The following PRKAR1A variants were observed in gnomAD, a reference collection of about 807,000 sequenced individuals.
PRKAR1A encodes the protein cAMP-dependent protein kinase type I-alpha regulatory subunit.
A neutral mutation model predicts 52.0 loss-of-function variants in PRKAR1A; 3 were observed. The ratio of observed to expected loss-of-function variants is 0.06; its 90% confidence interval spans 0.03 to 0.15. PRKAR1A has a LOEUF of 0.15. PRKAR1A is among the 10% of genes least tolerant of loss of function. The pLI is 1.00. For missense variants in PRKAR1A, 240 were observed against 477.4 expected (o/e 0.50, Z 4.63); for synonymous variants, 188 against 168.4 (o/e 1.12, Z -0.90).
chr17:68,432,821 A>G, the PRKAR1A span, among the ~76,000 whole-genome samples: 1 of 152,206 alleles, frequency 6.6e-6, no homozygotes, highest in Admixed American at 6.5e-5. Flanking sequence ...ACCGTGGGGT[A>G]TGAAACACTG....
intron 10 of PRKAR1A, 59 bp downstream of exon 10, chr17:68,530,060 A>G: frequency 1.9e-6 from 3 of 1,564,080 alleles, no homozygotes; most frequent in Non-Finnish European, 2.6e-6. Flanking sequence ...TCTCAGTGAG[A>G]TATTGTAGTC....
chr17:68,452,205 A>C, the PRKAR1A span, among the ~76,000 whole-genome samples: 1 of 152,234 alleles, frequency 6.6e-6, no homozygotes, highest in Non-Finnish European at 1.5e-5. Flanking sequence ...TGCCTTCTTC[A>C]AACAAATACT....
intron 11 of PRKAR1A, chr17:68,540,903 T>G (rs1341004526): frequency 1.2e-6 from 2 of 1,605,020 alleles, no homozygotes; most frequent in African/African-American, 1.3e-5. Context: ...CGCTGGCTGT[T>G]GTTGTACGGG....
the PRKAR1A span, chr17:68,427,396 G>A: frequency 3.2e-6 from 2 of 615,466 alleles, no homozygotes; most frequent in Non-Finnish European, 2.8e-6. Context: ...TTGCTCTATT[G>A]CCCAGGCTGG....
rs78183210 is a variant in PRKAR1A, at chr17:68,523,831, T to G, written c.440+15T>G. ...AATGAGAGAAGGTAGGAACAGGCTC[T>G]TTCTTAACACTATTTTTCAAGTAAG... On this transcript the variant is annotated intron_variant, in intron 4 of 10. Coordinates refer to ENST00000589228, the MANE Select transcript of PRKAR1A (RefSeq NM_002734.5). The G allele has an allele frequency of 8.1e-6, 13 of 1,610,328 alleles. No individual in the cohort carries two copies. The highest frequency in any genetic ancestry group is 2.2e-5 in the South Asian group (2 of 90,978).
At chr17:68,506,913 T>C (rs2085206540), upstream of PRKAR1A, among the ~76,000 whole-genome samples, 2 of 152,182 alleles carry the variant, frequency 1.3e-5, no homozygotes, top group African/African-American at 4.8e-5. Flanking sequence ...TTGGAGTCCA[T>C]ACATGGATGG....
chr17:68,451,903 C>T, the PRKAR1A span, among the ~76,000 whole-genome samples: 4 of 152,224 alleles, frequency 2.6e-5, no homozygotes, highest in Non-Finnish European at 5.9e-5. Flanking sequence ...GTGTGCCTTT[C>T]TTCCACTTGG....
chr17:68,535,767 C>T, downstream of PRKAR1A: 1 of 453,026 alleles, frequency 2.2e-6, no homozygotes, highest in Non-Finnish European at 4.4e-6. Context: ...CTGTTTAGGC[C>T]CAAAGTGCTG....
At chr17:68,488,734 CAAAAAAAAAA>C in the PRKAR1A span, among the ~76,000 whole-genome samples, 1 of 42,796 alleles carries the variant, frequency 2.3e-5, no homozygotes, top group African/African-American at 8.6e-5. Context: ...CATCTCAAAA[CAAAAAAAAAA>C]AAAAAAAAAA....
At chr17:68,420,175 C>T in the PRKAR1A span, 1 of 1,612,552 alleles carries the variant, frequency 6.2e-7, no homozygotes, top group Non-Finnish European at 8.5e-7. Context: ...CATTTGTTGT[C>T]ATTCCCTCTC....
chr17:68,432,989 G>T, the PRKAR1A span, among the ~76,000 whole-genome samples: 1 of 152,210 alleles, frequency 6.6e-6, no homozygotes, highest in Non-Finnish European at 1.5e-5. Flanking sequence ...TTTTCAGACA[G>T]CTTCTTAAGC....
At chr17:68,438,905 C>T in the PRKAR1A span, among the ~76,000 whole-genome samples, 45 of 152,256 alleles carry the variant, frequency 3.0e-4, no homozygotes, top group African/African-American at 1.0e-3. Context: ...TGGCCTAGCA[C>T]ATATGTTTTT....
intron 2 of PRKAR1A, among the ~76,000 whole-genome samples, chr17:68,519,321 G>C (rs1228048296): frequency 1.3e-5 from 2 of 152,182 alleles, no homozygotes; most frequent in Non-Finnish European, 2.9e-5. Flanking sequence ...GGCTGGGCAG[G>C]CCTCGGGAAG....
chr17:68,433,642 G>T, the PRKAR1A span: 5 of 1,307,690 alleles, frequency 3.8e-6, no homozygotes, highest in Non-Finnish European at 4.3e-6. Context: ...ATAACTCAGA[G>T]ATCAGCTTTA....
In PRKAR1A at chr17:68,532,978, TTTATTTAC is replaced by T; in HGVS notation, c.*2533_*2540del. 9.4e-7 allele frequency: 1 copy of T among 1,065,906 alleles called. No homozygotes were observed. Among genetic ancestry groups the T allele is most frequent in the African/African-American group, 1.6e-5 (1 of 61,230 alleles). 66.0% of individuals were successfully genotyped at this position (1,065,906 alleles called of 1,614,324 possible). On this transcript the variant is annotated 3_prime_UTR_variant, in exon 11 of 11. Coordinates refer to ENST00000589228, the MANE Select transcript of PRKAR1A (RefSeq NM_002734.5). ...TAAAGGGTAATTGAGATGTAGCAGA[TTTATTTAC>T]TTAGTCATGGAAAGAAAAAAATTCA...
At chr17:68,521,653 C>A (rs1291324303) in intron 2 of PRKAR1A, among the ~76,000 whole-genome samples, 1 of 152,142 alleles carries the variant, frequency 6.6e-6, no homozygotes, top group African/African-American at 2.4e-5. Flanking sequence ...TTTCTAAAAA[C>A]CATATTTTAA....
At chr17:68,501,778 G>A in the PRKAR1A span, among the ~76,000 whole-genome samples, 1 of 152,096 alleles carries the variant, frequency 6.6e-6, no homozygotes, top group Admixed American at 6.5e-5. Flanking sequence ...TTAAACTTCC[G>A]ACCAGCAAGG....
the PRKAR1A span, among the ~76,000 whole-genome samples, chr17:68,487,113 C>T: frequency 6.6e-6 from 1 of 152,094 alleles, no homozygotes; most frequent in East Asian, 1.9e-4. Flanking sequence ...ACCTCGTGAT[C>T]CGCCCGCCTC....
At chr17:68,420,093 T>C in the PRKAR1A span, 1 of 1,369,054 alleles carries the variant, frequency 7.3e-7, no homozygotes, top group African/African-American at 1.4e-5. Flanking sequence ...TTATCTGGTA[T>C]GTTTGAATTA....
Sources: allele counts gnomAD v4.1 joint callset (sites outside exome capture counted in the v4.1 genomes callset), GRCh38; gene constraint gnomAD v4.1.1; transcripts MANE v1.5; gene names NCBI Gene and HGNC (gene_info 2026-07-23, HGNC 2026-07-21).